Variants in CHFR observed in about 807,000 individuals in gnomAD.
CHFR encodes checkpoint with forkhead and ring finger domains.
In CHFR, 57 loss-of-function variants were observed where a neutral mutation model predicts 87.6. That is an observed-to-expected ratio of 0.65 (90% CI 0.53 to 0.81). The LOEUF is 0.81. Ranked by LOEUF, CHFR falls within the 30% of genes least tolerant of loss-of-function variation. The pLI is 0.00. For synonymous variants in CHFR, 381 were observed against 359.2 expected, an observed-to-expected ratio of 1.06 and a Z score of -0.69; for missense variants, 797 against 865.8, an observed-to-expected ratio of 0.92 and a Z score of 1.00.
At chr12:132,869,392 G>T (rs867935498) in intron 6 of CHFR, among the ~76,000 whole-genome samples, 1 of 152,108 alleles carries the variant, frequency 6.6e-6, no homozygotes, top group African/African-American at 2.4e-5. Context: ...GCGAATTATA[G>T]TCTCAATGAA....
chr12:132,863,037 C>T (rs1381906827), intron 6 of CHFR, among the ~76,000 whole-genome samples: 7 of 149,332 alleles, frequency 4.7e-5, no homozygotes, highest in Non-Finnish European at 8.9e-5. Context: ...GCTGGGACTA[C>T]AGGTGCCCGC....
In CHFR at chr12:132,880,739, G is replaced by A. The variant is rs184305709; in HGVS notation, c.134-3085C>T. Among the ~76,000 whole-genome samples, 12 of 152,122 alleles carry A rather than the reference G, an allele frequency of 7.9e-5. No homozygotes were observed. In the East Asian group the frequency reaches 2.3e-3, roughly 29 times the overall value. On this transcript the variant is annotated intron_variant, in intron 2 of 17. Coordinates refer to ENST00000450056, the MANE Select transcript of CHFR (RefSeq NM_001161346.2). ...CTCAGCACGTTGGGAGGCCGAGGCG[G>A]GCGGATCACAAGGTCAGGAGTTCAA... is the stretch of plus-strand genomic sequence containing the variant.
rs111799372 is a variant in CHFR at position 132,840,775 on chromosome 12, G to A, written c.*779C>T. ...TGCGTCCAGCCCCAGGCTCGGGGCCGCGGTCACTCACACAAGGGAGCAGCA... is the reference window on the plus strand; with the variant it reads ...TGCGTCCAGCCCCAGGCTCGGGGCCACGGTCACTCACACAAGGGAGCAGCA... On this transcript the variant is annotated 3_prime_UTR_variant, in exon 18 of 18. Transcript: ENST00000450056. 1.2e-4 allele frequency: 19 copies of A among 152,192 alleles called. No individual in the cohort carries two copies. Among genetic ancestry groups the A allele is most frequent in the East Asian group, 2.0e-4 (1 of 5,124 alleles). The allele number at this position is 152,192 out of a possible 1,614,324, so 9.4% of individuals were successfully genotyped here.
intron 6 of CHFR, among the ~76,000 whole-genome samples, chr12:132,865,306 C>A (rs1214207529): frequency 3.3e-5 from 5 of 152,104 alleles, no homozygotes; most frequent in African/African-American, 4.8e-5. Flanking sequence ...GTACACAGCC[C>A]AAGAGAGCTG....
chr12:132,876,831 G>A (rs1044915886), intron 3 of CHFR, among the ~76,000 whole-genome samples: 4 of 152,274 alleles, frequency 2.6e-5, no homozygotes, highest in East Asian at 3.9e-4. Flanking sequence ...AGTTTCACTC[G>A]TTTCCCAGGC....
At chr12:132,854,088 G>A (rs1193498553) in intron 10 of CHFR, 2 of 152,776 alleles carry the variant, frequency 1.3e-5, no homozygotes, top group African/African-American at 2.4e-5. Context: ...AAAAATACAC[G>A]AGGCTCTCCT....
chr12:132,887,254 C>T lies in CHFR; in HGVS notation c.75G>A (p.Glu25=), dbSNP rs1448675201. 6.7e-7 allele frequency: 1 copy of T among 1,502,450 alleles called. No individual in the cohort carries two copies. Among genetic ancestry groups the T allele is most frequent in the East Asian group, 2.8e-5 (1 of 35,478 alleles). The allele number at this position is 1,502,450 out of a possible 1,614,324, so 93.1% of individuals were successfully genotyped here. A position where few individuals can be genotyped will look rare whatever the true frequency, so the allele number is the denominator to read the frequency against. ...PWGRLLRLGA[E]EGEPHVLLRK... ...TCAGGAGGACGTGCGGCTCGCCCTC[C>T]TCCGCGCCCAGACGCAGGAGCCGTC... The change falls in exon 2 of 18, where the codon GAG becomes GAA. Residue 25 remains glutamate, a synonymous_variant. Coordinates refer to ENST00000450056, the MANE Select transcript of CHFR (RefSeq NM_001161346.2).
Position 132,841,512 on chromosome 12 carries a change from C to A in CHFR, c.*42G>T, listed in dbSNP as rs757695645. On this transcript the variant is annotated 3_prime_UTR_variant, in exon 18 of 18. Coordinates refer to ENST00000450056, the MANE Select transcript of CHFR (RefSeq NM_001161346.2). The stretch of plus-strand genomic sequence containing the variant: ...TCTCTGTATTTTAAAAACACGCTCT[C>A]TTCACCTCCAGTGCTGAAAGCTGCT... The A allele has an allele frequency of 5.8e-6, 9 of 1,556,534 alleles. No homozygotes were observed. In the South Asian group the frequency reaches 8.9e-5, roughly 15 times the overall value.
In CHFR at chr12:132,877,665, G is replaced by A. The variant is rs1407369033; in HGVS notation, c.134-11C>T. The A allele has an allele frequency of 4.4e-6, 7 of 1,587,676 alleles. No homozygotes were observed. The highest frequency in any genetic ancestry group is 6.0e-6 in the Non-Finnish European group (7 of 1,157,484). On this transcript the variant is annotated splice_polypyrimidine_tract_variant and intron_variant, in intron 2 of 17. Coordinates refer to ENST00000450056, the MANE Select transcript of CHFR (RefSeq NM_001161346.2). ...AGGAAAGGTCGCAACCTAAAAAAGAGAGGGTGGGTCAACACGGGATATGAT... is the reference window on the plus strand; with the variant it reads ...AGGAAAGGTCGCAACCTAAAAAAGAAAGGGTGGGTCAACACGGGATATGAT...
At chr12:132,872,138 C>T (rs183800755) in intron 4 of CHFR, 147 bp downstream of exon 4, 82 of 627,208 alleles carry the variant, frequency 1.3e-4, no homozygotes, top group Non-Finnish European at 1.9e-4. Flanking sequence ...ACACTATTCA[C>T]GGCAGGAACC....
intron 8 of CHFR, among the ~76,000 whole-genome samples, chr12:132,858,617 G>A (rs887463510): frequency 2.0e-5 from 3 of 148,688 alleles, no homozygotes; most frequent in Non-Finnish European, 4.4e-5. Context: ...AGTCCCAGCT[G>A]CTCAGGAAGC....
Position 132,857,395 on chromosome 12 carries a change from C to T in CHFR, c.1066+10G>A, listed in dbSNP as rs748096866. The stretch of plus-strand genomic sequence containing the variant: ...CGTGCCCGGGTGCTGGTGTGGATGC[C>T]CTCACTTGCCTGGATGCTGGATGAG... On this transcript the variant is annotated intron_variant, in intron 9 of 17. Coordinates refer to ENST00000450056, the MANE Select transcript of CHFR (RefSeq NM_001161346.2). 1 of 1,613,520 alleles carries T rather than the reference C, an allele frequency of 6.2e-7. No homozygotes were observed. The highest frequency in any genetic ancestry group is 2.2e-5 in the East Asian group (1 of 44,866).
chr12:132,858,858 C>T (rs946742096), intron 8 of CHFR, among the ~76,000 whole-genome samples: 2 of 150,302 alleles, frequency 1.3e-5, no homozygotes, highest in South Asian at 2.1e-4. Context: ...GTCAGAGAAC[C>T]GCTCAATCCT....
chr12:132,857,145 G>A (rs542882636), intron 9 of CHFR, among the ~76,000 whole-genome samples: 1,764 of 115,258 alleles, frequency 0.015, 32 homozygotes, highest in Non-Finnish European at 0.023. Flanking sequence ...CAGCCCTCAC[G>A]TGCCCGGGTG....
chr12:132,877,517 CAAG>C, intron 3 of CHFR, 35 bp downstream of exon 3: 1 of 1,413,636 alleles, frequency 7.1e-7, no homozygotes, highest in East Asian at 2.3e-5. Flanking sequence ...TCTTAAGCTA[CAAG>C]AAGAAACACC....
chr12:132,870,872 T>C, intron 4 of CHFR, 89 bp from the exon 5 acceptor site: 1 of 754,386 alleles, frequency 1.3e-6, no homozygotes, highest in South Asian at 1.7e-5. Context: ...GTCCATTTGT[T>C]TTTGTTGATT....
chr12:132,871,790 T>TTTTTG (rs1951496923), intron 4 of CHFR: 1 of 152,856 alleles, frequency 6.5e-6, no homozygotes, highest in African/African-American at 2.4e-5. Context: ...AAAAAGTATT[T>TTTTTG]CAGGGGTGAC....
In CHFR at chr12:132,838,942, C is replaced by A. The variant is rs1367694666; in HGVS notation, c.*2612G>T. 1.3e-5 allele frequency: 2 copies of A among 152,500 alleles called. No individual in the cohort carries two copies. Among genetic ancestry groups the A allele is most frequent in the Non-Finnish European group, 2.9e-5 (2 of 68,202 alleles). 9.4% of individuals were successfully genotyped at this position (152,500 alleles called of 1,614,324 possible). A position where few individuals can be genotyped will look rare whatever the true frequency, so the allele number is the denominator to read the frequency against. On this transcript the variant is annotated 3_prime_UTR_variant, in exon 18 of 18. Coordinates refer to ENST00000450056, the MANE Select transcript of CHFR (RefSeq NM_001161346.2). ...AACTGCCCTGCTCCCAAGGCCTCCT[C>A]CCTCACATCACAGCCAAACCCAAGC... is the stretch of plus-strand genomic sequence containing the variant.
intron 6 of CHFR, among the ~76,000 whole-genome samples, chr12:132,868,261 C>T (rs1186436859): frequency 2.6e-5 from 4 of 152,154 alleles, no homozygotes; most frequent in Non-Finnish European, 4.4e-5. Context: ...GGAGGCCGAT[C>T]GGACAGATCA....
Sources: gnomAD v4.1 joint callset for allele counts (sites outside exome capture counted in the v4.1 genomes callset) on GRCh38, gnomAD v4.1.1 for gene constraint, MANE v1.5 for transcripts, NCBI Gene and HGNC (gene_info 2026-07-23, HGNC 2026-07-21) for gene names.